SNX6: variants seen among roughly 807,000 people sequenced by gnomAD.
SNX6 encodes sorting nexin 6.
SNX6 carries 34 observed loss-of-function variants against 63.0 expected under a neutral mutation model. The observed-to-expected ratio is 0.54, with a 90% CI of 0.41 to 0.72. SNX6 has a LOEUF of 0.72. Among genes scored for constraint, SNX6 ranks in the 30% least tolerant of loss-of-function variants. The pLI is 0.00. For synonymous variants in SNX6, 170 were observed against 164.2 expected, an observed-to-expected ratio of 1.04 and a Z score of -0.27; for missense variants, 398 against 471.4, an observed-to-expected ratio of 0.84 and a Z score of 1.44.
intron 10 of SNX6, among the ~76,000 whole-genome samples, chr14:34,576,593 C>T (rs947732059): frequency 6.6e-6 from 1 of 151,614 alleles, no homozygotes; most frequent in African/African-American, 2.4e-5. Context: ...GAATTACAGG[C>T]ATGCACTGCC....
intron 10 of SNX6, among the ~76,000 whole-genome samples, 182 bp from the exon 11 acceptor site, chr14:34,576,024 C>CGCCATTCTCCTGCCTCA (rs1223717863): frequency 6.6e-6 from 1 of 150,732 alleles, no homozygotes; most frequent in Non-Finnish European, 1.5e-5. Context: ...CCTGGGTTCA[C>CGCCATTCTCCTGCCTCA]GCCATTCTCC....
At chr14:34,605,909 C>G (rs899531068) in intron 4 of SNX6, among the ~76,000 whole-genome samples, 192 bp from the exon 5 acceptor site, 1 of 152,054 alleles carries the variant, frequency 6.6e-6, no homozygotes, top group East Asian at 1.9e-4. Context: ...CGCAATGGCT[C>G]ACGCCTGTAA....
intron 6 of SNX6, among the ~76,000 whole-genome samples, chr14:34,603,139 G>C (rs1339875673): frequency 7.3e-6 from 1 of 136,876 alleles, no homozygotes; most frequent in African/African-American, 2.7e-5. Context: ...TTAGCTGGGC[G>C]TGGTGGCAGG....
chr14:34,605,375 T>C (rs542490491), intron 5 of SNX6: 543 of 311,418 alleles, frequency 1.7e-3, no homozygotes, highest in Non-Finnish European at 2.6e-3. Flanking sequence ...ATTTCAAATA[T>C]GAATTTAAAT....
intron 2 of SNX6, among the ~76,000 whole-genome samples, chr14:34,620,510 A>C (rs1883581979): frequency 6.6e-6 from 1 of 152,108 alleles, no homozygotes; most frequent in Non-Finnish European, 1.5e-5. Context: ...AATTCTTTAC[A>C]TGAGTACCTA....
At chr14:34,622,990 C>A (rs919529512) in intron 2 of SNX6, among the ~76,000 whole-genome samples, 1 of 152,162 alleles carries the variant, frequency 6.6e-6, no homozygotes, top group African/African-American at 2.4e-5. Context: ...TACTACTACC[C>A]CTTCCCCTAA....
At chr14:34,576,462 T>A (rs1460885818) in intron 10 of SNX6, among the ~76,000 whole-genome samples, 13 of 140,580 alleles carry the variant, frequency 9.2e-5, no homozygotes, top group African/African-American at 3.6e-4. Context: ...ATTTTTTTTT[T>A]TTTTGAGACA....
At chr14:34,607,908 A>AAAAAC (rs758075089) in intron 4 of SNX6, 122 bp downstream of exon 4, 80 of 528,110 alleles carry the variant, frequency 1.5e-4, no homozygotes, top group Middle Eastern at 5.4e-4. Context: ...ACTCCATCTC[A>AAAAAC]AAAACAAAAC....
intron 3 of SNX6, among the ~76,000 whole-genome samples, chr14:34,608,392 G>A (rs1883101393): frequency 6.6e-6 from 1 of 152,016 alleles, no homozygotes; most frequent in Admixed American, 6.6e-5. Flanking sequence ...TGAACTCTTG[G>A]ACTCAAGCGA....
chr14:34,626,695 G>A (rs1338193331), intron 2 of SNX6, among the ~76,000 whole-genome samples: 1 of 148,558 alleles, frequency 6.7e-6, no homozygotes, highest in Non-Finnish European at 1.5e-5. Context: ...AAAGTTTCTG[G>A]ACAAATTACT....
intron 2 of SNX6, 23 bp downstream of exon 2, chr14:34,629,884 A>G: frequency 1.9e-6 from 3 of 1,554,008 alleles, no homozygotes; most frequent in Non-Finnish European, 2.6e-6. Context: ...GGGTCCCGCG[A>G]GCGAAAGGAA....
At chr14:34,577,801 T>C (rs1881769608) in intron 10 of SNX6, among the ~76,000 whole-genome samples, 2 of 152,178 alleles carry the variant, frequency 1.3e-5, no homozygotes, top group African/African-American at 4.8e-5. Context: ...AGTAACAGTA[T>C]TGACTATATT....
Position 34,629,935 on chromosome 14 carries a change from G to C in SNX6, c.26C>G (p.Pro9Arg). 6.4e-7 allele frequency: 1 copy of C among 1,551,170 alleles called. No individual in the cohort carries two copies. Among genetic ancestry groups the C allele is most frequent in the Non-Finnish European group, 8.7e-7 (1 of 1,149,894 alleles). MMEGLDDG[P>R]DFLSEEDRGL... ...GCGGTCCTCTTCTGAGAGGAAGTCC[G>C]GGCCGTCGTCCAGGCCTTCCTGTGG... The change falls in exon 2 of 14, where the codon CCG (proline) becomes CGG (arginine). Residue 9 changes from proline to arginine, a missense_variant. By Grantham distance (103) the Pro-to-Arg change is moderately radical. Coordinates refer to ENST00000362031, the MANE Select transcript of SNX6 (RefSeq NM_152233.4).
In SNX6 at chr14:34,629,899, G is replaced by A; in HGVS notation, c.54+8C>T. On this transcript the variant is annotated splice_region_variant and intron_variant, in intron 2 of 13. Coordinates refer to ENST00000362031, the MANE Select transcript of SNX6 (RefSeq NM_152233.4). ...GGGTCCCGCGAGCGAAAGGAAGGCA[G>A]AACTTACTCCGCGGTCCTCTTCTGA... 6.4e-7 allele frequency: 1 copy of A among 1,557,000 alleles called. No homozygotes were observed. The highest frequency in any genetic ancestry group is 8.7e-7 in the Non-Finnish European group (1 of 1,151,030).
intron 2 of SNX6, among the ~76,000 whole-genome samples, chr14:34,621,061 G>A (rs1319452952): frequency 6.6e-6 from 1 of 152,128 alleles, no homozygotes; most frequent in South Asian, 2.1e-4. Context: ...CAATCTTCCT[G>A]CCTCAGCCTC....
chr14:34,574,619 CAAAAAAAA>C (rs33959613), intron 11 of SNX6, among the ~76,000 whole-genome samples: 4 of 79,438 alleles, frequency 5.0e-5, no homozygotes, highest in African/African-American at 1.4e-4. Context: ...GACTCCATCT[CAAAAAAAA>C]AAAAAAAAAA....
intron 11 of SNX6, among the ~76,000 whole-genome samples, chr14:34,574,826 G>A (rs1030593902): frequency 6.6e-6 from 1 of 151,752 alleles, no homozygotes; most frequent in Non-Finnish European, 1.5e-5. Context: ...CCAAAGTGCT[G>A]GGATTACAGG....
chr14:34,578,467 CT>C (rs1415627264), intron 10 of SNX6, among the ~76,000 whole-genome samples: 1 of 150,820 alleles, frequency 6.6e-6, no homozygotes, highest in African/African-American at 2.4e-5. Flanking sequence ...CCCATCTCTA[CT>C]AAAGTACAAA....
chr14:34,578,465 T>C (rs1464861015), intron 10 of SNX6, among the ~76,000 whole-genome samples: 1 of 151,172 alleles, frequency 6.6e-6, no homozygotes, highest in Non-Finnish European at 1.5e-5. Context: ...AACCCATCTC[T>C]ACTAAAGTAC....
Sources: gnomAD v4.1 joint callset for allele counts (sites outside exome capture counted in the v4.1 genomes callset) on GRCh38, gnomAD v4.1.1 for gene constraint, MANE v1.5 for transcripts, NCBI Gene and HGNC (gene_info 2026-07-23, HGNC 2026-07-21) for gene names.